The following MAGI2 variants were observed in gnomAD, a reference collection of about 807,000 sequenced individuals.
The protein encoded by MAGI2 is membrane associated guanylate kinase, WW and PDZ domain containing 2.
MAGI2 carries 35 observed loss-of-function variants against 133.3 expected under a neutral mutation model. The ratio of observed to expected loss-of-function variants is 0.26; its 90% confidence interval spans 0.20 to 0.35. MAGI2 has a LOEUF of 0.35. Ranked by LOEUF, MAGI2 falls within the 10% of genes least tolerant of loss-of-function variation. The pLI, the probability that MAGI2 is intolerant of heterozygous loss-of-function variation, is 1.00. For synonymous variants in MAGI2, 729 were observed against 710.6 expected, an observed-to-expected ratio of 1.03 and a Z score of -0.41; for missense variants, 1,636 against 1,863.4, an observed-to-expected ratio of 0.88 and a Z score of 2.25.
Position 79,186,708 on chromosome 7 carries a change from T to C in MAGI2, c.302-179502A>G, listed in dbSNP as rs931906684. On this transcript the variant is annotated intron_variant, in intron 1 of 21. Transcript: ENST00000354212. The stretch of plus-strand genomic sequence containing the variant: ...GAGTATATATATTTATACAAAAGTA[T>C]ATATATATATTTATACAAAAGTATA... Among the ~76,000 whole-genome samples the C allele has an allele frequency of 6.1e-5, 8 of 130,286 alleles. No individual in the cohort carries two copies. The East Asian group carries it at 1.5e-3, about 25-fold the overall frequency. 85.5% of individuals were successfully genotyped at this position (130,286 alleles called of 152,430 possible).
At chr7:79,306,661 ACAGT>A (rs1211486125) in intron 1 of MAGI2, among the ~76,000 whole-genome samples, 2 of 152,118 alleles carry the variant, frequency 1.3e-5, no homozygotes, top group Admixed American at 1.3e-4. Flanking sequence ...CAAACTTTCA[ACAGT>A]CAGTCTAAAT....
intron 6 of MAGI2, among the ~76,000 whole-genome samples, chr7:78,407,944 G>A (rs927343512): frequency 6.6e-6 from 1 of 151,850 alleles, no homozygotes; most frequent in South Asian, 2.1e-4. Context: ...CTTGTACTTT[G>A]TTGCAGGAAA....
chr7:78,311,880 C>T (rs1316316649), intron 9 of MAGI2, among the ~76,000 whole-genome samples: 1 of 151,728 alleles, frequency 6.6e-6, no homozygotes, highest in Non-Finnish European at 1.5e-5. Flanking sequence ...AAGTGATTCT[C>T]CTGACTCAGC....
chr7:78,403,028 C>T (rs536694629), intron 6 of MAGI2, among the ~76,000 whole-genome samples: 2 of 152,130 alleles, frequency 1.3e-5, no homozygotes, highest in Admixed American at 1.3e-4. Context: ...TACTTCAAGT[C>T]CTGGGATACA....
intron 1 of MAGI2, among the ~76,000 whole-genome samples, chr7:79,205,969 A>G (rs2129552271): frequency 6.6e-6 from 1 of 151,854 alleles, no homozygotes; most frequent in Non-Finnish European, 1.5e-5. Flanking sequence ...AAGGAAGAAC[A>G]AAGGATCTAT....
chr7:78,952,448 T>C (rs1027690255), intron 2 of MAGI2, among the ~76,000 whole-genome samples: 1 of 152,194 alleles, frequency 6.6e-6, no homozygotes, highest in African/African-American at 2.4e-5. Flanking sequence ...TATTTTTTCA[T>C]TAATTCATTA....
chr7:78,570,928 A>G (rs1801434660), intron 3 of MAGI2, among the ~76,000 whole-genome samples: 1 of 151,990 alleles, frequency 6.6e-6, no homozygotes, highest in Non-Finnish European at 1.5e-5. Context: ...ACAATTCAAT[A>G]TTGATCTCTT....
At chr7:78,744,890 C>A (rs915854459) in intron 2 of MAGI2, among the ~76,000 whole-genome samples, 2 of 152,176 alleles carry the variant, frequency 1.3e-5, no homozygotes, top group African/African-American at 4.8e-5. Flanking sequence ...GTAATCACAA[C>A]AGCTTCCTTT....
chr7:78,943,944 A>G (rs1209830639), intron 2 of MAGI2, among the ~76,000 whole-genome samples: 1 of 152,120 alleles, frequency 6.6e-6, no homozygotes, highest in African/African-American at 2.4e-5. Context: ...ATTTTACTCT[A>G]TTTTCACTGC....
At chr7:79,095,907 C>A (rs535063802) in intron 1 of MAGI2, among the ~76,000 whole-genome samples, 10 of 151,694 alleles carry the variant, frequency 6.6e-5, no homozygotes, top group African/African-American at 2.2e-4. Context: ...AGGGTTGCCA[C>A]AAACCTTCAA....
At chr7:78,577,356 AGATT>A (rs1225067705) in intron 3 of MAGI2, among the ~76,000 whole-genome samples, 5 of 152,236 alleles carry the variant, frequency 3.3e-5, no homozygotes, top group African/African-American at 1.2e-4. Context: ...TTGAATTAAA[AGATT>A]AATATGAGTC....
chr7:79,105,978 A>C (rs1818419284), intron 1 of MAGI2, among the ~76,000 whole-genome samples: 1 of 152,202 alleles, frequency 6.6e-6, no homozygotes, highest in African/African-American at 2.4e-5. Context: ...AAACAAAACA[A>C]AACAAAAATT....
intron 6 of MAGI2, among the ~76,000 whole-genome samples, chr7:78,374,138 C>G (rs1794209496): frequency 6.6e-6 from 1 of 152,250 alleles, no homozygotes; most frequent in Non-Finnish European, 1.5e-5. Context: ...GCTTACTCAC[C>G]TAGTAGTTCT....
chr7:78,070,160 T>TACAC (rs1484073918), intron 21 of MAGI2, among the ~76,000 whole-genome samples: 48 of 51,614 alleles, frequency 9.3e-4, no homozygotes, highest in African/African-American at 3.1e-3. Context: ...CACACATATA[T>TACAC]ATACACACAC....
chr7:78,645,814 C>T (rs6978379), intron 2 of MAGI2, among the ~76,000 whole-genome samples: 15,152 of 151,508 alleles, frequency 0.1, 1,253 homozygotes, highest in African/African-American at 0.23. Context: ...TCTTGGCTCA[C>T]TACAACCTCC....
intron 2 of MAGI2, among the ~76,000 whole-genome samples, chr7:78,817,170 G>A (rs1168469335): frequency 6.6e-6 from 1 of 152,194 alleles, no homozygotes; most frequent in Non-Finnish European, 1.5e-5. Flanking sequence ...ACAATTAGAA[G>A]CAGAGCCTGA....
At chr7:78,514,344 T>A (rs899080860) in intron 4 of MAGI2, among the ~76,000 whole-genome samples, 1 of 151,952 alleles carries the variant, frequency 6.6e-6, no homozygotes, top group Non-Finnish European at 1.5e-5. Context: ...ATATCATTAC[T>A]TTTTAATTAC....
intron 2 of MAGI2, among the ~76,000 whole-genome samples, chr7:78,846,919 C>T (rs1356321963): frequency 6.6e-6 from 1 of 151,846 alleles, no homozygotes; most frequent in Non-Finnish European, 1.5e-5. Context: ...AGAAGAGGAG[C>T]TTAGCTAGCC....
intron 1 of MAGI2, among the ~76,000 whole-genome samples, chr7:79,226,169 C>T (rs1830837192): frequency 6.6e-6 from 1 of 152,154 alleles, no homozygotes; most frequent in Non-Finnish European, 1.5e-5. Flanking sequence ...TTTATATTTA[C>T]TCTCTGGTAA....
Sources: allele counts gnomAD v4.1 joint callset (sites outside exome capture counted in the v4.1 genomes callset), GRCh38; gene constraint gnomAD v4.1.1; transcripts MANE v1.5; gene names NCBI Gene and HGNC (gene_info 2026-07-23, HGNC 2026-07-21).